Variants in NFATC3 observed in about 807,000 individuals in gnomAD.
The protein encoded by NFATC3 is nuclear factor of activated T-cells, cytoplasmic 3.
Under a neutral mutation model 98.6 loss-of-function variants are expected in NFATC3, and 46 were observed. That is an observed-to-expected ratio of 0.47 (90% CI 0.37 to 0.60). NFATC3 has a LOEUF of 0.60. Ranked by LOEUF, NFATC3 falls within the 20% of genes least tolerant of loss-of-function variation. The probability of loss-of-function intolerance (pLI) is 0.00; values close to 1 mark genes in which losing one functional copy is unlikely to be tolerated. For missense variants in NFATC3, 1,256 were observed against 1,295.5 expected, an observed-to-expected ratio of 0.97 and a Z score of 0.47; for synonymous variants, 512 against 472.2, an observed-to-expected ratio of 1.08 and a Z score of -1.09.
At chr16:68,107,733 A>G (rs529725369) in intron 1 of NFATC3, among the ~76,000 whole-genome samples, 6 of 150,260 alleles carry the variant, frequency 4.0e-5, no homozygotes, top group Non-Finnish European at 7.5e-5. Context: ...AAAAAAATAT[A>G]ATAATAATAA....
At chr16:68,129,537 A>G (rs531646464) in intron 3 of NFATC3, among the ~76,000 whole-genome samples, 1 of 151,714 alleles carries the variant, frequency 6.6e-6, no homozygotes, top group South Asian at 2.1e-4. Flanking sequence ...CCTTTCCCAT[A>G]TATTTTGTTG....
At chr16:68,130,679 G>C (rs766635234) in intron 3 of NFATC3, among the ~76,000 whole-genome samples, 1 of 151,936 alleles carries the variant, frequency 6.6e-6, no homozygotes, top group African/African-American at 2.4e-5. Context: ...TGTTTTTATT[G>C]GCTGTGATTT....
chr16:68,185,108 C>CT lies in NFATC3; in HGVS notation c.2098+1743dup, dbSNP rs988491465. 1.1e-4 allele frequency among the ~76,000 whole-genome samples: 17 copies of CT among 152,056 alleles called. No individual in the cohort carries two copies. In the East Asian group the frequency reaches 3.1e-3, roughly 28 times the overall value. On this transcript the variant is annotated intron_variant, in intron 8 of 9. Coordinates refer to ENST00000346183, the MANE Select transcript of NFATC3 (RefSeq NM_173165.3). ...GTTCATATGATTTTCCTGCCTCAGC[C>CT]TCCCAAGTAGCTGGGATTACAGGTA... is the stretch of plus-strand genomic sequence containing the variant.
In NFATC3 at chr16:68,122,896, T is replaced by C. The variant is rs369137524; in HGVS notation, c.1013T>C (p.Leu338Pro). ...FQYCVETDIP[L>P]KTRKTSEDQA... ...TACTGTGTAGAGACTGACATCCCTC[T>C]CAAAACAAGGAAAACTTCTGAAGAT... The change falls in exon 2 of 10, where the codon CTC becomes CCC. Residue 338 changes from leucine (L) to proline (P), a missense_variant. This residue lies in a region of NFATC3 where 464 missense variants were observed against 465.7 expected (regional missense o/e 1.00). Transcript: ENST00000346183. 2.3e-5 allele frequency: 37 copies of C among 1,614,014 alleles called. No homozygotes were observed. The highest frequency in any genetic ancestry group is 2.9e-5 in the Non-Finnish European group (34 of 1,180,030).
intron 1 of NFATC3, among the ~76,000 whole-genome samples, chr16:68,119,641 T>A (rs139081423): frequency 6.6e-6 from 1 of 152,346 alleles, no homozygotes; most frequent in East Asian, 1.9e-4. Context: ...GTTACATTAA[T>A]ATTCTTCTGC....
At chr16:68,171,333 A>C (rs2039450210) in intron 5 of NFATC3, among the ~76,000 whole-genome samples, 1 of 152,060 alleles carries the variant, frequency 6.6e-6, no homozygotes, top group African/African-American at 2.4e-5. Flanking sequence ...TGTTACTTAG[A>C]ATGTACCTGT....
intron 3 of NFATC3, among the ~76,000 whole-genome samples, chr16:68,142,426 A>G (rs983189614): frequency 6.6e-6 from 1 of 152,022 alleles, no homozygotes; most frequent in East Asian, 1.9e-4. Context: ...ATTTGTGTAC[A>G]TTGCTTTTGT....
At chr16:68,153,622 T>A (rs559617678) in intron 3 of NFATC3, among the ~76,000 whole-genome samples, 10 of 152,218 alleles carry the variant, frequency 6.6e-5, no homozygotes, top group Admixed American at 5.9e-4. Flanking sequence ...TATTATTATT[T>A]TTATTTTTTG....
At position 68,141,555 on chromosome 16, in the gene NFATC3, G is replaced by C. The variant is rs188097424; in HGVS notation, c.1401+14945G>C. On this transcript the variant is annotated intron_variant, in intron 3 of 9. Transcript: ENST00000346183. Reference sequence around the variant, plus strand: ...TTGTGGTTTTAATTTGCATTTACCTGATGGTTAGTGATGTTGAGCATTTTT... The same window carrying C: ...TTGTGGTTTTAATTTGCATTTACCTCATGGTTAGTGATGTTGAGCATTTTT... 5.9e-4 allele frequency among the ~76,000 whole-genome samples: 90 copies of C among 152,216 alleles called. 1 individual carries two copies. The highest frequency in any genetic ancestry group is 1.6e-3 in the Admixed American group (24 of 15,282).
At position 68,190,858 on chromosome 16, in the gene NFATC3, C is replaced by T. The variant is rs1313529501; in HGVS notation, c.2189C>T (p.Ser730Phe). The T allele has an allele frequency of 9.3e-6, 15 of 1,614,106 alleles. No individual in the cohort carries two copies. Among genetic ancestry groups the T allele is most frequent in the Non-Finnish European group, 8.5e-7 (1 of 1,180,050 alleles). Reference sequence around the variant, plus strand: ...CATCCTGCTCAGACCCAGAGGCCTTCCTCTGATTCAGGGTGTTCACATGAC... The same window carrying T: ...CATCCTGCTCAGACCCAGAGGCCTTTCTCTGATTCAGGGTGTTCACATGAC... ...VPHPAQTQRP[S>F]SDSGCSHDSV... The change falls in exon 9 of 10, where the codon TCC (serine) becomes TTC (phenylalanine). Residue 730 changes from serine (S) to phenylalanine (F), a missense_variant. By Grantham distance (155) the Ser-to-Phe change is radical. Around this residue, in one of 3 missense-constraint regions of NFATC3, gnomAD observed 636 missense variants for 617.3 expected, o/e 1.03. Transcript: ENST00000346183.
chr16:68,085,802 C>T lies in NFATC3; in HGVS notation c.103+18C>T. On this transcript the variant is annotated intron_variant, in intron 1 of 9. Transcript: ENST00000346183. ...GCCTGCAGGTGGGTGCCGGGCCAGGCGGGACCGTGGAGCGACCCCGCTTCT... is the reference window on the plus strand; with the variant it reads ...GCCTGCAGGTGGGTGCCGGGCCAGGTGGGACCGTGGAGCGACCCCGCTTCT... 1.4e-6 allele frequency: 2 copies of T among 1,432,540 alleles called. No homozygotes were observed. The highest frequency in any genetic ancestry group is 1.8e-6 in the Non-Finnish European group (2 of 1,102,854). The allele number at this position is 1,432,540 out of a possible 1,614,324, so 88.7% of individuals were successfully genotyped here.
In NFATC3 at chr16:68,085,457, G is replaced by C; in HGVS notation, c.-225G>C. Reference sequence around the variant, plus strand: ...TGGCTAAGCCGACAGTGGAGGCTTAGGCACCGGTGGCGGGCGGCTGCGGTT... The same window carrying C: ...TGGCTAAGCCGACAGTGGAGGCTTACGCACCGGTGGCGGGCGGCTGCGGTT... On this transcript the variant is annotated 5_prime_UTR_variant, in exon 1 of 10. Coordinates refer to ENST00000346183, the MANE Select transcript of NFATC3 (RefSeq NM_173165.3). 2.3e-6 allele frequency: 1 copy of C among 439,886 alleles called. No individual in the cohort carries two copies. The highest frequency in any genetic ancestry group is 3.2e-5 in the South Asian group (1 of 30,990). The allele number at this position is 439,886 out of a possible 1,614,324, so 27.2% of individuals were successfully genotyped here.
At chr16:68,151,669 C>T (rs2038327077) in intron 3 of NFATC3, among the ~76,000 whole-genome samples, 3 of 152,106 alleles carry the variant, frequency 2.0e-5, no homozygotes, top group Admixed American at 1.3e-4. Context: ...CTGTAGTGCA[C>T]CCCACTTATC....
At chr16:68,103,944 G>C (rs2035505590) in intron 1 of NFATC3, among the ~76,000 whole-genome samples, 1 of 152,116 alleles carries the variant, frequency 6.6e-6, no homozygotes, top group Admixed American at 6.5e-5. Flanking sequence ...TGATTGCTGT[G>C]CCTTTGTAGT....
At chr16:68,149,978 A>T (rs1881395595) in intron 3 of NFATC3, among the ~76,000 whole-genome samples, 1 of 152,156 alleles carries the variant, frequency 6.6e-6, no homozygotes, top group Admixed American at 6.6e-5. Context: ...TTTATTTATT[A>T]GCTGTTTTTC....
chr16:68,085,430 A>C lies in NFATC3; in HGVS notation c.-252A>C. 3.2e-6 allele frequency: 1 copy of C among 313,508 alleles called. No individual in the cohort carries two copies. Among genetic ancestry groups the C allele is most frequent in the African/African-American group, 2.2e-5 (1 of 44,996 alleles). 19.4% of individuals were successfully genotyped at this position (313,508 alleles called of 1,614,324 possible). ...CGACTGTGGGGGGGCGGCGGGGAAC[A>C]TTGGCTAAGCCGACAGTGGAGGCTT... On this transcript the variant is annotated 5_prime_UTR_variant, in exon 1 of 10. Transcript: ENST00000346183.
chr16:68,208,645 G>T (rs947799174), intron 9 of NFATC3, among the ~76,000 whole-genome samples: 1 of 151,888 alleles, frequency 6.6e-6, no homozygotes, highest in African/African-American at 2.4e-5. Context: ...CAGGAGAATC[G>T]CTTGAACCTG....
In NFATC3 at chr16:68,226,433, C is replaced by T. The variant is rs775732835; in HGVS notation, c.3190C>T (p.Pro1064Ser). ...GVSRQAPLPSPESLDLGRSDG... is the reference protein window; with the variant it reads ...GVSRQAPLPSSESLDLGRSDG... ...GAGCAGGCAGGCTCCCCTCCCGAGT[C>T]CTGAGTCCCTGGATTTAGGAAGATC... The change falls in exon 10 of 10, where the codon CCT becomes TCT. Residue 1064 changes from proline (P) to serine (S), a missense_variant. Physicochemically the swap from Pro to Ser is moderately conservative, Grantham distance 74. Transcript: ENST00000346183. 1.9e-6 allele frequency: 3 copies of T among 1,565,310 alleles called. No individual in the cohort carries two copies. Among genetic ancestry groups the T allele is most frequent in the South Asian group, 2.4e-5 (2 of 83,538 alleles).
chr16:68,162,567 T>C (rs1293482706), intron 4 of NFATC3, among the ~76,000 whole-genome samples: 2 of 151,716 alleles, frequency 1.3e-5, no homozygotes, highest in Non-Finnish European at 2.9e-5. Flanking sequence ...AGCCATGGGC[T>C]TGGTTATTTC....
Sources: allele counts gnomAD v4.1 joint callset (sites outside exome capture counted in the v4.1 genomes callset), GRCh38; gene constraint gnomAD v4.1.1; regional missense constraint gnomAD v4.1.1; transcripts MANE v1.5; gene names NCBI Gene and HGNC (gene_info 2026-07-23, HGNC 2026-07-21).